The following CPSF4 variants were observed in gnomAD, a reference collection of about 807,000 sequenced individuals.
CPSF4 encodes cleavage and polyadenylation specificity factor subunit 4.
CPSF4 carries 11 observed loss-of-function variants against 37.7 expected under a neutral mutation model. The ratio of observed to expected loss-of-function variants is 0.29; its 90% CI spans 0.18 to 0.48. CPSF4 has a LOEUF of 0.48. Ranked by LOEUF, CPSF4 falls within the 20% of genes least tolerant of loss-of-function variation. The probability of loss-of-function intolerance (pLI) is 0.99; values close to 1 mark genes in which losing one functional copy is unlikely to be tolerated. For synonymous variants in CPSF4, 132 were observed against 135.9 expected (o/e 0.97, Z 0.20); for missense variants, 144 against 359.5 (o/e 0.40, Z 4.85).
At position 99,448,637 on chromosome 7, in the gene CPSF4, CT is replaced by C. The variant is rs947304132; in HGVS notation, c.307+367del. ...TTGGAGTGCTTCAGTGTTTGGAGCT[CT>C]TTCAATCACTCGGATTTGAGGCTAA... is the stretch of plus-strand genomic sequence containing the variant. On this transcript the variant is annotated intron_variant, in intron 3 of 7. Transcript: ENST00000292476. This position sits in a 1 kb window ranked among gnomAD's most constrained non-coding sequence, Gnocchi z 4.4. 1 of 170,638 alleles carries C rather than the reference CT, an allele frequency of 5.9e-6. No individual in the cohort carries two copies. Among genetic ancestry groups the C allele is most frequent in the Non-Finnish European group, 1.3e-5 (1 of 79,772 alleles). 10.6% of individuals were successfully genotyped at this position (170,638 alleles called of 1,614,324 possible).
intron 6 of CPSF4, 138 bp downstream of exon 6, chr7:99,452,578 GAA>G (rs1488777124): frequency 4.0e-6 from 3 of 742,128 alleles, no homozygotes; most frequent in Non-Finnish European, 6.9e-6. Context: ...AGTTCCCGAA[GAA>G]AAGTCAGGAG....
Position 99,451,474 on chromosome 7 carries a change from G to A in CPSF4, c.497+679G>A, listed in dbSNP as rs184783466. Among the ~76,000 whole-genome samples the A allele has an allele frequency of 1.2e-4, 19 of 152,238 alleles. No individual in the cohort carries two copies. The East Asian group carries it at 3.3e-3, about 26-fold the overall frequency. Reference sequence around the variant, plus strand: ...ACAAAAATTAGCCAGGTGTAGCGGCGCGTGCCTGTAGTCCCAGCTACTTGG... The same window carrying A: ...ACAAAAATTAGCCAGGTGTAGCGGCACGTGCCTGTAGTCCCAGCTACTTGG... On this transcript the variant is annotated intron_variant, in intron 5 of 7. Transcript: ENST00000292476.
chr7:99,442,202 G>C (rs139765538), intron 1 of CPSF4, among the ~76,000 whole-genome samples: 2 of 152,308 alleles, frequency 1.3e-5, no homozygotes, highest in African/African-American at 4.8e-5. Flanking sequence ...AGAGGAAACT[G>C]TTTCTGATGC....
chr7:99,456,476 C>T lies in CPSF4; in HGVS notation c.786C>T (p.His262=). The T allele has an allele frequency of 6.2e-7, 1 of 1,614,174 alleles. No individual in the cohort carries two copies. The highest frequency in any genetic ancestry group is 1.3e-5 in the African/African-American group (1 of 75,070). The change falls in exon 8 of 8, where the codon CAC becomes CAT. Residue 262 remains histidine (H), a synonymous_variant. Coordinates refer to ENST00000292476, the MANE Select transcript of CPSF4 (RefSeq NM_006693.4). ...ACGCCAACAGATGCACCAAAGGGCA[C>T]TTGGCCTTTCTCAGTGGACAGTGAC... is the stretch of plus-strand genomic sequence containing the variant. ...GHYANRCTKG[H]LAFLSGQ
At chr7:99,447,330 G>A (rs185390300) in intron 2 of CPSF4, among the ~76,000 whole-genome samples, 314 of 148,334 alleles carry the variant, frequency 2.1e-3, no homozygotes, top group Middle Eastern at 6.9e-3. Context: ...GTGCAATGGC[G>A]TGATCTCCGG....
At chr7:99,441,251 G>A (rs371414313) in intron 1 of CPSF4, 24 of 365,694 alleles carry the variant, frequency 6.6e-5, no homozygotes, top group African/African-American at 2.3e-4. Context: ...GTGCCCAGCC[G>A]GCCTTTTCCT....
chr7:99,450,208 C>T, intron 3 of CPSF4, 68 bp from the exon 4 acceptor site: 1 of 1,276,584 alleles, frequency 7.8e-7, no homozygotes, highest in South Asian at 1.2e-5. Flanking sequence ...ACCTCTTTTC[C>T]TTGGATGAAG....
chr7:99,447,902 G>A (rs932342735), intron 2 of CPSF4: 14 of 592,778 alleles, frequency 2.4e-5, no homozygotes, highest in Non-Finnish European at 3.8e-5. Context: ...GATCCACTGC[G>A]CCCGGCCATG....
intron 2 of CPSF4, among the ~76,000 whole-genome samples, chr7:99,446,810 A>ATTTTTTTTTTTTGC (rs1797540952): frequency 3.0e-5 from 1 of 33,640 alleles, no homozygotes; most frequent in African/African-American, 2.9e-4. Flanking sequence ...TTTTTTTTTA[A>ATTTTTTTTTTTTGC]CGGAGTTTTG....
chr7:99,451,864 C>A (rs1306913793), intron 5 of CPSF4, among the ~76,000 whole-genome samples: 1 of 152,238 alleles, frequency 6.6e-6, no homozygotes, highest in Non-Finnish European at 1.5e-5. Context: ...CTGTGGGAAC[C>A]CTGGTCCCTG....
At chr7:99,455,753 G>A (rs965047633) in intron 7 of CPSF4, among the ~76,000 whole-genome samples, 9 of 152,312 alleles carry the variant, frequency 5.9e-5, no homozygotes, top group Admixed American at 4.6e-4. Flanking sequence ...GATGAGGCAG[G>A]GTCAGGGCTG....
chr7:99,448,327 C>T lies in CPSF4; in HGVS notation c.307+54C>T. On this transcript the variant is annotated intron_variant, in intron 3 of 7. Transcript: ENST00000292476. This position sits in a 1 kb window ranked among gnomAD's most constrained non-coding sequence, Gnocchi z 4.4. Reference sequence around the variant, plus strand: ...GCTGAGAACCAGGGTGCAGAGGGGTCCGCTGGCTGCTCAGTGCCCACACTG... The same window carrying T: ...GCTGAGAACCAGGGTGCAGAGGGGTTCGCTGGCTGCTCAGTGCCCACACTG... The T allele has an allele frequency of 1.3e-6, 2 of 1,585,822 alleles. No homozygotes were observed. The highest frequency in any genetic ancestry group is 1.7e-6 in the Non-Finnish European group (2 of 1,162,058).
chr7:99,443,311 TTTC>T (rs1797188082), intron 1 of CPSF4: 8 of 884,120 alleles, frequency 9.0e-6, no homozygotes, highest in Non-Finnish European at 1.3e-5. Flanking sequence ...AAGGGGTTTT[TTTC>T]TTCTTCTGTT....
rs35303224 is a variant in CPSF4 at position 99,450,781 on chromosome 7, G to A, written c.483G>A (p.Ser161=). Reference sequence around the variant, plus strand: ...TGGGATTCTGCCCGGAGGGGCCCTCGTGTAAATTCATGCAGTGAGTAGCCA... The same window carrying A: ...TGGGATTCTGCCCGGAGGGGCCCTCATGTAAATTCATGCAGTGAGTAGCCA... The part of the protein sequence containing the change: ...YLVGFCPEGP[S]CKFMHPRFEL... Residue 161 remains serine (S), a synonymous_variant, in exon 5 of 8, where the codon TCG becomes TCA. Coordinates refer to ENST00000292476, the MANE Select transcript of CPSF4 (RefSeq NM_006693.4). The A allele has an allele frequency of 0.014, 23,326 of 1,613,090 alleles. 211 individuals are homozygous for A. The highest frequency in any genetic ancestry group is 0.018 in the Middle Eastern group (108 of 5,844).
intron 5 of CPSF4, among the ~76,000 whole-genome samples, chr7:99,451,338 G>A (rs1406699274): frequency 3.3e-5 from 5 of 152,220 alleles, no homozygotes; most frequent in African/African-American, 4.8e-5. Context: ...TGGGTGTGGT[G>A]GCTCACGCCT....
Position 99,444,509 on chromosome 7 carries a change from A to G in CPSF4, c.104-280A>G, listed in dbSNP as rs533174740. 1.8e-4 allele frequency among the ~76,000 whole-genome samples: 28 copies of G among 151,950 alleles called. No individual in the cohort carries two copies. The South Asian group carries it at 5.6e-3, about 30-fold the overall frequency. ...CTCGTACTCCAGCCTTCCTTTCCCC[A>G]CCCACTCTTAACTCCTTGAAAGGAT... On this transcript the variant is annotated intron_variant, in intron 1 of 7. Transcript: ENST00000292476.
chr7:99,450,873 A>C (rs1263222374), intron 5 of CPSF4, 78 bp downstream of exon 5: 16 of 1,070,172 alleles, frequency 1.5e-5, no homozygotes, highest in Non-Finnish European at 2.3e-5. Flanking sequence ...CCCTGGGCCA[A>C]CTGGGCCTTG....
At chr7:99,443,396 A>T in intron 1 of CPSF4, 1 of 1,446,566 alleles carries the variant, frequency 6.9e-7, no homozygotes, top group Non-Finnish European at 9.7e-7. Flanking sequence ...GTCTGTGGAT[A>T]AGATCTTGCT....
At chr7:99,439,835 A>C (rs2150969522) in intron 1 of CPSF4, among the ~76,000 whole-genome samples, 1 of 152,130 alleles carries the variant, frequency 6.6e-6, no homozygotes, top group Admixed American at 6.5e-5. Flanking sequence ...ACTCCCTTCT[A>C]GGACTCACTC....
Sources: allele counts gnomAD v4.1 joint callset (sites outside exome capture counted in the v4.1 genomes callset), GRCh38; gene constraint gnomAD v4.1.1; non-coding constraint Gnocchi (gnomAD v3.1); transcripts MANE v1.5; gene names NCBI Gene and HGNC (gene_info 2026-07-23, HGNC 2026-07-21).